Variants in ATP13A4 observed in about 807,000 individuals in gnomAD.
ATP13A4 encodes the protein ATPase 13A4, also known as probable cation-transporting ATPase 13A4.
In ATP13A4, 114 loss-of-function variants were observed where a neutral mutation model predicts 142.5. That is an observed-to-expected ratio of 0.80 (90% CI 0.69 to 0.93). The LOEUF (loss-of-function observed/expected upper bound fraction) is 0.93. Among genes scored for constraint, ATP13A4 ranks in the 40% least tolerant of loss-of-function variants. The pLI is 0.00. For synonymous variants in ATP13A4, 488 were observed against 514.8 expected (o/e 0.95, Z 0.70); for missense variants, 1,392 against 1,454.0 (o/e 0.96, Z 0.69).
chr3:193,582,114 A>G (rs1302797136), intron 1 of ATP13A4, among the ~76,000 whole-genome samples: 26 of 148,304 alleles, frequency 1.8e-4, no homozygotes, highest in African/African-American at 4.9e-4. Context: ...TATATAATAT[A>G]CACATATATA....
intron 1 of ATP13A4, among the ~76,000 whole-genome samples, chr3:193,534,871 A>T (rs1031187219): frequency 2.0e-5 from 3 of 152,166 alleles, no homozygotes; most frequent in African/African-American, 7.2e-5. Flanking sequence ...AAATTTGAGG[A>T]GATGAGTCAA....
chr3:193,593,058 A>G, exon 1 of ATP13A4: 1 of 362,136 alleles, frequency 2.8e-6, no homozygotes, highest in Non-Finnish European at 4.9e-6. Context: ...CGGAAGCAAG[A>G]GGGCGGGGCC....
intron 18 of ATP13A4, among the ~76,000 whole-genome samples, chr3:193,445,528 G>A (rs1248252611): frequency 2.6e-5 from 4 of 151,902 alleles, no homozygotes; most frequent in Non-Finnish European, 4.4e-5. Context: ...AGGCCAAGGT[G>A]GTAGGATCAC....
chr3:193,513,769 T>C (rs1318570610), intron 2 of ATP13A4, among the ~76,000 whole-genome samples: 1 of 152,174 alleles, frequency 6.6e-6, no homozygotes, highest in African/African-American at 2.4e-5. Context: ...TACCCTAGTG[T>C]ATCTGCAGAA....
intron 8 of ATP13A4, among the ~76,000 whole-genome samples, chr3:193,475,761 A>G (rs1057443193): frequency 6.6e-6 from 1 of 152,126 alleles, no homozygotes; most frequent in Non-Finnish European, 1.5e-5. Flanking sequence ...TAACCAACAG[A>G]AAACTATTTT....
chr3:193,517,511 C>G (rs184395633), intron 1 of ATP13A4, among the ~76,000 whole-genome samples: 2 of 152,194 alleles, frequency 1.3e-5, no homozygotes, highest in Non-Finnish European at 2.9e-5. Flanking sequence ...GACGGAGTTT[C>G]GCTCTGTCGC....
intron 22 of ATP13A4, 78 bp from the exon 23 acceptor site, chr3:193,438,662 T>C: frequency 8.0e-7 from 1 of 1,245,102 alleles, no homozygotes; most frequent in African/African-American, 1.5e-5. Flanking sequence ...AAAGGCCAGT[T>C]AAGCTGGCCA....
At chr3:193,508,442 C>T (rs1039971446) in intron 2 of ATP13A4, among the ~76,000 whole-genome samples, 4 of 152,138 alleles carry the variant, frequency 2.6e-5, no homozygotes, top group East Asian at 1.9e-4. Context: ...TCTCATCTTC[C>T]GGCTATGGGA....
At chr3:193,412,451 C>T in intron 26 of ATP13A4, 80 bp from the exon 27 acceptor site, 1 of 1,323,686 alleles carries the variant, frequency 7.6e-7, no homozygotes, top group Non-Finnish European at 1.1e-6. Context: ...GATTCCATAC[C>T]AAACAGTGTC....
intron 8 of ATP13A4, among the ~76,000 whole-genome samples, chr3:193,476,919 G>A (rs974285376): frequency 3.9e-5 from 6 of 151,992 alleles, no homozygotes; most frequent in Admixed American, 2.0e-4. Flanking sequence ...TGCCTTAACA[G>A]ATATAATCAC....
chr3:193,515,940 C>T (rs1577041526), intron 1 of ATP13A4, among the ~76,000 whole-genome samples: 1 of 152,282 alleles, frequency 6.6e-6, no homozygotes, highest in South Asian at 2.1e-4. Context: ...ATTATTTAAC[C>T]TCTTTATTCC....
intron 7 of ATP13A4, among the ~76,000 whole-genome samples, chr3:193,488,883 C>T (rs1719786367): frequency 6.6e-6 from 1 of 152,116 alleles, no homozygotes; most frequent in South Asian, 2.1e-4. Flanking sequence ...TCATGGACTG[C>T]ACAAGCACCC....
At chr3:193,466,530 A>T (rs1718299022) in intron 10 of ATP13A4, among the ~76,000 whole-genome samples, 1 of 152,254 alleles carries the variant, frequency 6.6e-6, no homozygotes, top group African/African-American at 2.4e-5. Flanking sequence ...ATTGAAATTA[A>T]GTGGTCCAGT....
At chr3:193,585,693 T>G (rs990296423) in intron 1 of ATP13A4, among the ~76,000 whole-genome samples, 6 of 152,130 alleles carry the variant, frequency 3.9e-5, no homozygotes, top group Admixed American at 3.9e-4. Context: ...TTCTGTTTGT[T>G]GTTGAGGAGT....
intron 1 of ATP13A4, among the ~76,000 whole-genome samples, chr3:193,544,073 A>G (rs1271118171): frequency 1.3e-5 from 2 of 152,148 alleles, no homozygotes; most frequent in Admixed American, 6.5e-5. Flanking sequence ...GGTCTGAAGG[A>G]GGTGACTAAT....
chr3:193,585,043 C>G (rs1724641918), intron 1 of ATP13A4, among the ~76,000 whole-genome samples: 1 of 152,176 alleles, frequency 6.6e-6, no homozygotes, highest in Admixed American at 6.5e-5. Context: ...CATCCTGCAG[C>G]CTGCAGGCTG....
At chr3:193,508,239 C>A (rs554547374) in intron 2 of ATP13A4, among the ~76,000 whole-genome samples, 2 of 152,184 alleles carry the variant, frequency 1.3e-5, no homozygotes, top group African/African-American at 4.8e-5. Context: ...TTCAGCAAAA[C>A]CTGGTGTGTG....
rs1248591535 is a variant in ATP13A4 at position 193,462,231 on chromosome 3, AAAAAAAAG to A, written c.1523+523_1523+530del. Among the ~76,000 whole-genome samples, 13 of 152,060 alleles carry A rather than the reference AAAAAAAAG, an allele frequency of 8.5e-5. No individual in the cohort carries two copies. The South Asian group carries it at 2.7e-3, about 32-fold the overall frequency. On this transcript the variant is annotated intron_variant, in intron 13 of 29. Coordinates refer to ENST00000342695, the MANE Select transcript of ATP13A4 (RefSeq NM_032279.4). ...GAGTGAAACTCCGTCTCAAAAAAAAAAAAAAAAGAAAAAAGAGAGTTTCCAGCAGCCAG... is the reference window on the plus strand; with the variant it reads ...GAGTGAAACTCCGTCTCAAAAAAAAAAAAAAAGAGAGTTTCCAGCAGCCAG...
rs148219064 is a variant in ATP13A4 at position 193,586,528 on chromosome 3, T to C, written n.92-4622A>G. On this transcript the variant is annotated intron_variant and non_coding_transcript_variant, in intron 1 of 3. Coordinates refer to the ATP13A4 transcript ENST00000489140. Reference sequence around the variant, plus strand: ...ATGCTTACTAATTTAGTGTATGGTATAAATTTATACTAAATTTTGTGTGTA... The same window carrying C: ...ATGCTTACTAATTTAGTGTATGGTACAAATTTATACTAAATTTTGTGTGTA... Among the ~76,000 whole-genome samples, 109 of 152,360 alleles carry C rather than the reference T, an allele frequency of 7.2e-4. No homozygotes were observed. In the East Asian group the frequency reaches 0.02, roughly 27 times the overall value.
Sources: allele counts gnomAD v4.1 joint callset (sites outside exome capture counted in the v4.1 genomes callset), GRCh38; gene constraint gnomAD v4.1.1; transcripts MANE v1.5; gene names NCBI Gene and HGNC (gene_info 2026-07-23, HGNC 2026-07-21).